Variants in RAB33A observed in about 807,000 individuals in gnomAD.
RAB33A encodes ras-related protein Rab-33A.
Under a neutral mutation model 12.0 loss-of-function variants are expected in RAB33A, and 6 were observed. The ratio of observed to expected loss-of-function variants is 0.50; its 90% CI spans 0.27 to 0.99. The LOEUF (loss-of-function observed/expected upper bound fraction) is 0.99. Ranked by LOEUF, RAB33A falls within the 50% of genes least tolerant of loss-of-function variation. The pLI is 0.11. For synonymous variants in RAB33A, 70 were observed against 82.4 expected, an observed-to-expected ratio of 0.85 and a Z score of 0.81; for missense variants, 109 against 192.0, an observed-to-expected ratio of 0.57 and a Z score of 2.55.
the RAB33A span, among the ~76,000 whole-genome samples, chrX:130,115,845 C>T: frequency 9.0e-6 from 1 of 110,928 alleles, no homozygotes; most frequent in Non-Finnish European, 1.9e-5. Flanking sequence ...TGAGAAACCC[C>T]CTATAATCCT....
At chrX:130,149,134 C>G in the RAB33A span, among the ~76,000 whole-genome samples, 1 of 109,975 alleles carries the variant, frequency 9.1e-6, no homozygotes, top group African/African-American at 3.3e-5. Context: ...GTTGGCCAGG[C>G]TGGTCTTGAG....
chrX:130,146,900 G>A, the RAB33A span, among the ~76,000 whole-genome samples: 6 of 112,374 alleles, frequency 5.3e-5, no homozygotes, highest in Non-Finnish European at 9.4e-5. Flanking sequence ...AGTGGCTCAC[G>A]CCTGTAATCC....
chrX:130,178,710 G>A (rs1212452228), intron 1 of RAB33A, among the ~76,000 whole-genome samples: 1 of 109,615 alleles, frequency 9.1e-6, no homozygotes, highest in Admixed American at 9.7e-5. Flanking sequence ...GGAGTGCAGT[G>A]GCGCCATCTC....
the RAB33A span, among the ~76,000 whole-genome samples, chrX:130,127,691 C>CTT: frequency 5.2e-5 from 4 of 77,036 alleles, 1 homozygote; most frequent in African/African-American, 2.4e-4. Context: ...ATGAGTTTTC[C>CTT]TTTTTTTTTT....
At chrX:130,113,543 C>T in the RAB33A span, among the ~76,000 whole-genome samples, 1 of 109,571 alleles carries the variant, frequency 9.1e-6, no homozygotes, top group Non-Finnish European at 1.9e-5. Flanking sequence ...CCTGCCTCAG[C>T]CTCCCGAGTA....
the RAB33A span, chrX:130,165,935 G>A: frequency 2.6e-6 from 1 of 386,676 alleles, no homozygotes; most frequent in Non-Finnish European, 4.6e-6. Context: ...CTAGCTGGCC[G>A]CAAGCTCGCA....
chrX:130,139,949 G>C, the RAB33A span: 2 of 859,995 alleles, frequency 2.3e-6, no homozygotes, highest in East Asian at 3.1e-5. Flanking sequence ...ACCACACAAA[G>C]GTGGAGCCCT....
At chrX:130,145,454 C>T in the RAB33A span, 1 of 1,153,636 alleles carries the variant, frequency 8.7e-7, no homozygotes, top group Non-Finnish European at 1.2e-6. Context: ...TAGAGCCTGA[C>T]AAAAGAAGCG....
At chrX:130,117,584 A>AG in the RAB33A span, among the ~76,000 whole-genome samples, 6 of 110,811 alleles carry the variant, frequency 5.4e-5, no homozygotes, top group African/African-American at 6.6e-5. Flanking sequence ...AAAAAAAAAA[A>AG]TGAGGACGAA....
At chrX:130,118,854 C>T in the RAB33A span, among the ~76,000 whole-genome samples, 6 of 111,347 alleles carry the variant, frequency 5.4e-5, no homozygotes, top group African/African-American at 2.0e-4. Flanking sequence ...TGTGTGTGGG[C>T]TCAAGTCTTG....
At chrX:130,165,746 C>G in the RAB33A span, 379 of 755,606 alleles carry the variant, frequency 5.0e-4, 1 homozygote, top group Non-Finnish European at 7.0e-4. Flanking sequence ...CCAGCTCCCC[C>G]AGTCTCTTCA....
chrX:130,160,110 A>G, the RAB33A span, among the ~76,000 whole-genome samples: 1 of 112,374 alleles, frequency 8.9e-6, no homozygotes, highest in Non-Finnish European at 1.9e-5. Flanking sequence ...AATGTAATAC[A>G]CTACTCTCAT....
At chrX:130,145,529 C>T in the RAB33A span, 1 of 1,208,195 alleles carries the variant, frequency 8.3e-7, no homozygotes, top group African/African-American at 1.8e-5. Flanking sequence ...TGAGGCAGGT[C>T]CTGAGCAGAG....
At chrX:130,144,311 T>C in the RAB33A span, among the ~76,000 whole-genome samples, 3 of 111,268 alleles carry the variant, frequency 2.7e-5, no homozygotes, top group Admixed American at 9.6e-5. Flanking sequence ...CGGCCAATGG[T>C]GATTATTTAA....
chrX:130,155,226 C>T, the RAB33A span: 29 of 1,208,509 alleles, frequency 2.4e-5, no homozygotes, highest in Non-Finnish European at 3.2e-5. Context: ...GCCATCTTTC[C>T]CAGAAGCACC....
At chrX:130,113,330 C>T in the RAB33A span, among the ~76,000 whole-genome samples, 1 of 109,898 alleles carries the variant, frequency 9.1e-6, no homozygotes, top group East Asian at 2.8e-4. Context: ...ATCCACCCGC[C>T]TCGGCCTCCT....
chrX:130,166,744 C>T, the RAB33A span, among the ~76,000 whole-genome samples: 29 of 111,913 alleles, frequency 2.6e-4, no homozygotes, highest in Admixed American at 1.6e-3. Flanking sequence ...CGACTTACCC[C>T]TCACAATGGT....
the RAB33A span, among the ~76,000 whole-genome samples, chrX:130,156,086 T>C: frequency 3.6e-5 from 4 of 111,902 alleles, no homozygotes; most frequent in Non-Finnish European, 7.5e-5. Context: ...GTCTGACAAA[T>C]AGGTCAAAAT....
At chrX:130,144,317 T>C in the RAB33A span, among the ~76,000 whole-genome samples, 1 of 111,580 alleles carries the variant, frequency 9.0e-6, no homozygotes, top group Non-Finnish European at 1.9e-5. Context: ...ATGGTGATTA[T>C]TTAAAATTCA....
Sources: gnomAD v4.1 joint callset for allele counts (sites outside exome capture counted in the v4.1 genomes callset) on GRCh38, gnomAD v4.1.1 for gene constraint, MANE v1.5 for transcripts, NCBI Gene and HGNC (gene_info 2026-07-23, HGNC 2026-07-21) for gene names.